PIAS1: variants seen among roughly 807,000 people sequenced by gnomAD.
PIAS1 encodes the protein E3 SUMO-protein ligase PIAS1.
PIAS1 carries 6 observed loss-of-function variants against 71.3 expected under a neutral mutation model. The observed-to-expected ratio is 0.08, with a 90% confidence interval of 0.05 to 0.17. The LOEUF is 0.17. Ranked by LOEUF, PIAS1 falls within the 10% of genes least tolerant of loss-of-function variation. The pLI, the probability that PIAS1 is intolerant of heterozygous loss-of-function variation, is 1.00. For missense variants in PIAS1, 555 were observed against 793.6 expected, an observed-to-expected ratio of 0.70 and a Z score of 3.61; for synonymous variants, 303 against 292.9, an observed-to-expected ratio of 1.03 and a Z score of -0.35.
chr15:68,141,749 T>C (rs2092771509), intron 2 of PIAS1, among the ~76,000 whole-genome samples, 197 bp from the exon 3 acceptor site: 1 of 151,674 alleles, frequency 6.6e-6, no homozygotes, highest in Non-Finnish European at 1.5e-5. Flanking sequence ...TATTCTGGAA[T>C]TAGCCATTTT....
At chr15:68,143,908 C>G (rs1300339831) in intron 4 of PIAS1, among the ~76,000 whole-genome samples, 3 of 151,660 alleles carry the variant, frequency 2.0e-5, no homozygotes, top group Non-Finnish European at 2.9e-5. Context: ...GACAGGGTCC[C>G]AAGACTAAAA....
At chr15:68,056,483 C>G (rs758296734) in intron 1 of PIAS1, among the ~76,000 whole-genome samples, 3 of 152,072 alleles carry the variant, frequency 2.0e-5, no homozygotes, top group Non-Finnish European at 4.4e-5. Context: ...GTTTTTTGTG[C>G]TCTCCCAAAT....
Position 68,188,113 on chromosome 15 carries a change from C to T in PIAS1, c.*278C>T, listed in dbSNP as rs972739990. On this transcript the variant is annotated 3_prime_UTR_variant, in exon 14 of 14. Coordinates refer to ENST00000249636, the MANE Select transcript of PIAS1 (RefSeq NM_016166.3). The stretch of plus-strand genomic sequence containing the variant: ...AAAAAGAAAAACAAGCACCCACAAA[C>T]CACCTTCAGTTCATTTTTTTCTGGA... The T allele has an allele frequency of 4.3e-5, 10 of 233,058 alleles. No homozygotes were observed. In the East Asian group the frequency reaches 7.9e-4, roughly 18 times the overall value. The allele number at this position is 233,058 out of a possible 1,614,324, so 14.4% of individuals were successfully genotyped here. A position where few individuals can be genotyped will look rare whatever the true frequency, so the allele number is the denominator to read the frequency against.
intron 2 of PIAS1, 73 bp from the exon 3 acceptor site, chr15:68,141,873 G>GTTTTTTTTTTTTTTTT (rs879062649): frequency 1.8e-6 from 1 of 568,262 alleles, no homozygotes. Flanking sequence ...AGACATGTGT[G>GTTTTTTTTTTTTTTTT]TTTTTTTTTT....
intron 2 of PIAS1, among the ~76,000 whole-genome samples, chr15:68,122,942 G>A (rs1595743427): frequency 6.7e-6 from 1 of 150,166 alleles, no homozygotes; most frequent in Non-Finnish European, 1.5e-5. Context: ...TTCTTGGGAA[G>A]TATCTGCAAG....
intron 12 of PIAS1, chr15:68,181,955 G>A (rs1417314334): frequency 1.3e-5 from 2 of 152,668 alleles, no homozygotes; most frequent in East Asian, 3.9e-4. Context: ...ACAGGCGTGA[G>A]CCACCACGCC....
intron 2 of PIAS1, among the ~76,000 whole-genome samples, chr15:68,134,601 G>A (rs1429218042): frequency 7.4e-5 from 2 of 26,976 alleles, no homozygotes; most frequent in African/African-American, 1.3e-4. Flanking sequence ...CAGACGGGGC[G>A]GCTGGCCGGG....
intron 7 of PIAS1, among the ~76,000 whole-genome samples, chr15:68,164,173 A>G (rs940837836): frequency 6.6e-6 from 1 of 152,180 alleles, no homozygotes; most frequent in African/African-American, 2.4e-5. Flanking sequence ...GGGCACAAGT[A>G]TTTTATAGAG....
chr15:68,182,609 G>A (rs987800090), intron 12 of PIAS1, among the ~76,000 whole-genome samples: 6 of 151,848 alleles, frequency 4.0e-5, no homozygotes, highest in African/African-American at 1.2e-4. Context: ...TAGTAGAGAC[G>A]GGGTTTCACC....
chr15:68,092,510 T>G (rs1485366762), intron 2 of PIAS1, among the ~76,000 whole-genome samples: 1 of 152,116 alleles, frequency 6.6e-6, no homozygotes, highest in Non-Finnish European at 1.5e-5. Flanking sequence ...AATTCAATGT[T>G]CTTCTACTTG....
At position 68,189,652 on chromosome 15, in the gene PIAS1, A is replaced by G. The variant is rs1258399105; in HGVS notation, c.*1817A>G. 6.6e-6 allele frequency: 1 copy of G among 152,132 alleles called. No individual in the cohort carries two copies. Among genetic ancestry groups the G allele is most frequent in the African/African-American group, 2.4e-5 (1 of 41,438 alleles). The allele number at this position is 152,132 out of a possible 1,614,324, so 9.4% of individuals were successfully genotyped here. A position where few individuals can be genotyped will look rare whatever the true frequency, so the allele number is the denominator to read the frequency against. On this transcript the variant is annotated 3_prime_UTR_variant, in exon 14 of 14. Transcript: ENST00000249636. ...TTGATATGTATATGTGTGTGTGTAT[A>G]TATGTATTTATAAACAAGTGTGTTT...
At chr15:68,122,991 CTGTT>C (rs1176645722) in intron 2 of PIAS1, among the ~76,000 whole-genome samples, 7 of 149,186 alleles carry the variant, frequency 4.7e-5, no homozygotes, top group Non-Finnish European at 1.5e-5. Flanking sequence ...AAGGTAAAAG[CTGTT>C]TTTTTTTTTT....
chr15:68,098,581 C>T (rs561111779), intron 2 of PIAS1, among the ~76,000 whole-genome samples: 45 of 152,244 alleles, frequency 3.0e-4, no homozygotes, highest in African/African-American at 1.1e-3. Context: ...ATGTACAAAA[C>T]TCAAAAGTTA....
intron 2 of PIAS1, among the ~76,000 whole-genome samples, chr15:68,099,671 TG>T (rs1011587813): frequency 6.6e-6 from 1 of 151,318 alleles, no homozygotes; most frequent in Non-Finnish European, 1.5e-5. Flanking sequence ...TATGGGTTTT[TG>T]GGGGTTTTTT....
rs1195820528 is a variant in PIAS1 at position 68,153,924 on chromosome 15, A to G, written c.934+229A>G. The G allele has an allele frequency of 1.7e-5, 5 of 294,120 alleles. No individual in the cohort carries two copies. In the East Asian group the frequency reaches 2.5e-4, roughly 15 times the overall value. The allele number at this position is 294,120 out of a possible 1,614,324, so 18.2% of individuals were successfully genotyped here. Reference sequence around the variant, plus strand: ...CACAAACATGGAAGAATATTATTCTACAACTTCATAAAATCAATGTTTAAG... The same window carrying G: ...CACAAACATGGAAGAATATTATTCTGCAACTTCATAAAATCAATGTTTAAG... On this transcript the variant is annotated intron_variant, in intron 7 of 13. Coordinates refer to ENST00000249636, the MANE Select transcript of PIAS1 (RefSeq NM_016166.3).
chr15:68,153,232 C>G (rs1249863519), intron 6 of PIAS1, among the ~76,000 whole-genome samples: 1 of 152,110 alleles, frequency 6.6e-6, no homozygotes, highest in Non-Finnish European at 1.5e-5. Flanking sequence ...TTAGTCTTAA[C>G]AGTATTCTTT....
intron 2 of PIAS1, among the ~76,000 whole-genome samples, chr15:68,138,755 G>A (rs994570863): frequency 1.3e-5 from 2 of 152,190 alleles, no homozygotes; most frequent in Admixed American, 6.5e-5. Flanking sequence ...GATTACAGGC[G>A]TGAGCCACCA....
intron 2 of PIAS1, among the ~76,000 whole-genome samples, chr15:68,102,722 T>C (rs965535779): frequency 2.6e-5 from 4 of 152,190 alleles, no homozygotes; most frequent in African/African-American, 9.6e-5. Flanking sequence ...CTTGTGACCT[T>C]GCTGAGTTCA....
chr15:68,084,588 C>T (rs1427208426), intron 1 of PIAS1, among the ~76,000 whole-genome samples: 1 of 152,116 alleles, frequency 6.6e-6, no homozygotes, highest in Non-Finnish European at 1.5e-5. Context: ...TGAATTTGAG[C>T]ATTTATTTGG....
Sources: allele counts gnomAD v4.1 joint callset (sites outside exome capture counted in the v4.1 genomes callset), GRCh38; gene constraint gnomAD v4.1.1; transcripts MANE v1.5; gene names NCBI Gene and HGNC (gene_info 2026-07-23, HGNC 2026-07-21).